Variants in PCDH15 observed in about 807,000 individuals in gnomAD.
PCDH15 encodes protocadherin-15.
A neutral mutation model predicts 178.5 loss-of-function variants in PCDH15; 129 were observed. The ratio of observed to expected loss-of-function variants is 0.72; its 90% CI spans 0.63 to 0.84. The LOEUF (loss-of-function observed/expected upper bound fraction) is 0.84, where lower values mean the gene tolerates loss of function less well. Ranked by LOEUF, PCDH15 falls within the 40% of genes least tolerant of loss-of-function variation. PCDH15 has a pLI of 0.00. For missense variants in PCDH15, 2,230 were observed against 2,099.9 expected (o/e 1.06, Z -1.21); for synonymous variants, 800 against 732.0 (o/e 1.09, Z -1.50).
At chr10:53,850,714 G>A (rs2078301118) in intron 28 of PCDH15, among the ~76,000 whole-genome samples, 1 of 151,938 alleles carries the variant, frequency 6.6e-6, no homozygotes, top group Admixed American at 6.6e-5. Flanking sequence ...TTCAAAAATT[G>A]TACTATTAAA....
chr10:55,413,962 G>T (rs1246395563), intron 2 of PCDH15, among the ~76,000 whole-genome samples: 1 of 151,398 alleles, frequency 6.6e-6, no homozygotes, highest in East Asian at 1.9e-4. Context: ...TTCAAGACAT[G>T]TAATAGGAAA....
At chr10:54,234,130 T>TGTGTG (rs1591331290) in intron 9 of PCDH15, among the ~76,000 whole-genome samples, 9 of 103,096 alleles carry the variant, frequency 8.7e-5, no homozygotes, top group African/African-American at 3.6e-4. Flanking sequence ...GGATATCCCC[T>TGTGTG]TCTGTGTGTG....
chr10:55,277,572 C>G (rs1842625150), intron 1 of PCDH15, among the ~76,000 whole-genome samples: 1 of 152,010 alleles, frequency 6.6e-6, no homozygotes. Context: ...ACCCTGCTTT[C>G]CTGGAAGCAT....
At chr10:55,444,023 CTA>C (rs1839258051) in intron 2 of PCDH15, among the ~76,000 whole-genome samples, 1 of 151,792 alleles carries the variant, frequency 6.6e-6, no homozygotes, top group Non-Finnish European at 1.5e-5. Context: ...TCTCTGCAAA[CTA>C]ACACAGGAAC....
At chr10:54,082,442 A>T (rs1306697058) in intron 16 of PCDH15, among the ~76,000 whole-genome samples, 1 of 152,182 alleles carries the variant, frequency 6.6e-6, no homozygotes, top group Non-Finnish European at 1.5e-5. Context: ...ATACCCACAC[A>T]TCTACAGTCA....
At chr10:54,078,411 T>C (rs1206696180) in intron 17 of PCDH15, among the ~76,000 whole-genome samples, 2 of 152,018 alleles carry the variant, frequency 1.3e-5, no homozygotes, top group Non-Finnish European at 2.9e-5. Flanking sequence ...ATTATTACAA[T>C]AATAAATACA....
chr10:54,398,470 A>G (rs1951522372), intron 3 of PCDH15, among the ~76,000 whole-genome samples: 1 of 151,996 alleles, frequency 6.6e-6, no homozygotes, highest in Non-Finnish European at 1.5e-5. Flanking sequence ...TGTCCTAACA[A>G]TACTAGCTAA....
intron 5 of PCDH15, among the ~76,000 whole-genome samples, chr10:54,347,994 G>A (rs1010578614): frequency 2.0e-5 from 3 of 151,372 alleles, no homozygotes; most frequent in Admixed American, 6.6e-5. Context: ...GACCACAGGC[G>A]CCCACCACCA....
At chr10:53,966,433 C>G (rs117672027) in intron 21 of PCDH15, among the ~76,000 whole-genome samples, 4,094 of 152,126 alleles carry the variant, frequency 0.027, 71 homozygotes, top group Non-Finnish European at 0.04. Flanking sequence ...CTTTCCCTTC[C>G]TCCCTCCTTT....
At chr10:54,803,762 T>G (rs552766653), upstream of PCDH15, among the ~76,000 whole-genome samples, 1 of 152,202 alleles carries the variant, frequency 6.6e-6, no homozygotes. Context: ...TTTAGTTTAC[T>G]TTACGACGGA....
At chr10:55,011,173 G>T (rs917070177) in intron 2 of PCDH15, among the ~76,000 whole-genome samples, 1 of 151,970 alleles carries the variant, frequency 6.6e-6, no homozygotes, top group Non-Finnish European at 1.5e-5. Flanking sequence ...TAATGCAGGA[G>T]ACAGAAAAAC....
intron 2 of PCDH15, among the ~76,000 whole-genome samples, chr10:54,929,587 A>T (rs1837717809): frequency 6.6e-6 from 1 of 152,204 alleles, no homozygotes; most frequent in South Asian, 2.1e-4. Context: ...TGACAACGGA[A>T]AATTGTGGCC....
intron 3 of PCDH15, among the ~76,000 whole-genome samples, chr10:54,845,250 T>C (rs1314014619): frequency 2.0e-5 from 3 of 152,016 alleles, no homozygotes; most frequent in Admixed American, 1.3e-4. Context: ...AACAATGGAA[T>C]AGCTATTCCT....
intron 2 of PCDH15, among the ~76,000 whole-genome samples, chr10:54,540,032 G>A (rs1314511869): frequency 6.6e-6 from 1 of 152,116 alleles, no homozygotes; most frequent in Non-Finnish European, 1.5e-5. Flanking sequence ...GGTGCTAAAT[G>A]CCTACCTTAA....
At chr10:54,694,356 C>A (rs915136840) in intron 1 of PCDH15, among the ~76,000 whole-genome samples, 2 of 152,012 alleles carry the variant, frequency 1.3e-5, no homozygotes, top group African/African-American at 2.4e-5. Context: ...AGACAAATAC[C>A]TTTTTTATTC....
intron 13 of PCDH15, 142 bp downstream of exon 13, chr10:54,183,302 T>A (rs557896584): frequency 1.2e-4 from 103 of 852,386 alleles, no homozygotes; most frequent in Middle Eastern, 3.2e-4. Context: ...TAACAGAAAT[T>A]TAAAGCTATT....
chr10:55,341,549 T>C (rs1284027005), intron 2 of PCDH15, among the ~76,000 whole-genome samples: 2 of 149,820 alleles, frequency 1.3e-5, no homozygotes, highest in South Asian at 4.2e-4. Context: ...CACTATTATT[T>C]TTTCTCATAT....
intron 2 of PCDH15, among the ~76,000 whole-genome samples, chr10:55,610,959 C>A (rs539792664): frequency 1.7e-4 from 26 of 152,098 alleles, no homozygotes; most frequent in African/African-American, 5.3e-4. Flanking sequence ...AGAAGATATT[C>A]TTTAATAAAA....
chr10:54,846,399 T>C (rs916223993), intron 3 of PCDH15, among the ~76,000 whole-genome samples: 2 of 152,164 alleles, frequency 1.3e-5, no homozygotes, highest in Admixed American at 1.3e-4. Flanking sequence ...GAATGAATGA[T>C]GAATAAAATA....
Sources: allele counts gnomAD v4.1 joint callset (sites outside exome capture counted in the v4.1 genomes callset), GRCh38; gene constraint gnomAD v4.1.1; transcripts MANE v1.5; gene names NCBI Gene and HGNC (gene_info 2026-07-23, HGNC 2026-07-21).